Variants in DOK6 observed in about 807,000 individuals in gnomAD.
DOK6 encodes downstream of tyrosine kinase 6.
Under a neutral mutation model 44.0 loss-of-function variants are expected in DOK6, and 22 were observed. The observed-to-expected ratio is 0.50, with a 90% CI of 0.36 to 0.71. The LOEUF (loss-of-function observed/expected upper bound fraction) is 0.71. DOK6 is among the 30% of genes least tolerant of loss of function. DOK6 has a pLI of 0.00. For missense variants in DOK6, 340 were observed against 416.4 expected, an observed-to-expected ratio of 0.82 and a Z score of 1.60; for synonymous variants, 166 against 145.5, an observed-to-expected ratio of 1.14 and a Z score of -1.01.
intron 3 of DOK6, among the ~76,000 whole-genome samples, chr18:69,642,588 T>C (rs1830514242): frequency 6.6e-6 from 1 of 152,218 alleles, no homozygotes; most frequent in Admixed American, 6.5e-5. Flanking sequence ...CTGCCTTTTT[T>C]TCATTTTTAT....
chr18:69,441,018 A>G (rs1979122225), intron 1 of DOK6, among the ~76,000 whole-genome samples: 1 of 152,156 alleles, frequency 6.6e-6, no homozygotes, highest in African/African-American at 2.4e-5. Flanking sequence ...TGAAATTACA[A>G]AGGCAGAAAG....
intron 7 of DOK6, among the ~76,000 whole-genome samples, chr18:69,785,156 AG>A (rs1264643344): frequency 6.6e-6 from 1 of 152,218 alleles, no homozygotes; most frequent in Non-Finnish European, 1.5e-5. Context: ...GTGTAATGAC[AG>A]CCCAACATCA....
chr18:69,659,668 T>C (rs988761731), intron 3 of DOK6, among the ~76,000 whole-genome samples: 2 of 152,010 alleles, frequency 1.3e-5, no homozygotes, highest in Non-Finnish European at 2.9e-5. Context: ...TTTTGGAATG[T>C]CTTGGAAAGG....
chr18:69,773,893 C>A (rs886653191), intron 7 of DOK6, among the ~76,000 whole-genome samples: 1 of 151,024 alleles, frequency 6.6e-6, no homozygotes, highest in Admixed American at 6.6e-5. Flanking sequence ...ACCATTTGAT[C>A]CAGCAATCCT....
chr18:69,608,784 T>C (rs1448677888), intron 3 of DOK6, among the ~76,000 whole-genome samples: 2 of 151,996 alleles, frequency 1.3e-5, no homozygotes, highest in Non-Finnish European at 2.9e-5. Context: ...ACCCCGTCTC[T>C]ACTAAAAATA....
chr18:69,759,413 GA>G (rs537838607), intron 7 of DOK6, among the ~76,000 whole-genome samples: 24 of 152,074 alleles, frequency 1.6e-4, no homozygotes, highest in African/African-American at 3.9e-4. Context: ...ATGTTTAAAT[GA>G]AAAAAACTAT....
At chr18:69,429,616 G>GATAC in intron 1 of DOK6, among the ~76,000 whole-genome samples, 1 of 78,156 alleles carries the variant, frequency 1.3e-5, no homozygotes, top group East Asian at 3.3e-4. Context: ...AATATTGAGG[G>GATAC]ATACATATAT....
chr18:69,742,365 G>C (rs2144740552), intron 6 of DOK6, among the ~76,000 whole-genome samples: 1 of 148,868 alleles, frequency 6.7e-6, no homozygotes, highest in South Asian at 2.1e-4. Context: ...AGTGAGCCGA[G>C]TTCGTGCCAT....
intron 1 of DOK6, among the ~76,000 whole-genome samples, chr18:69,514,250 G>T (rs1235752516): frequency 8.2e-6 from 1 of 121,300 alleles, no homozygotes; most frequent in South Asian, 2.9e-4. Flanking sequence ...ATGTAAATGA[G>T]TAAAAAAAAA....
chr18:69,661,684 A>G (rs960146856), intron 3 of DOK6: 1 of 152,242 alleles, frequency 6.6e-6, no homozygotes, highest in African/African-American at 2.4e-5. Flanking sequence ...CAATCTGGTC[A>G]ATTTTGTTCT....
chr18:69,450,886 G>T (rs1979442131), intron 1 of DOK6, among the ~76,000 whole-genome samples: 2 of 149,944 alleles, frequency 1.3e-5, no homozygotes, highest in South Asian at 4.4e-4. Flanking sequence ...CACCAGGCCT[G>T]CCCTAAAAGA....
At chr18:69,834,656 T>C (rs887150924) in intron 7 of DOK6, among the ~76,000 whole-genome samples, 3 of 152,292 alleles carry the variant, frequency 2.0e-5, no homozygotes, top group Admixed American at 6.5e-5. Flanking sequence ...TATATGCAAC[T>C]GTAATATATT....
intron 7 of DOK6, among the ~76,000 whole-genome samples, chr18:69,794,179 T>C (rs1231050905): frequency 6.6e-6 from 1 of 152,132 alleles, no homozygotes; most frequent in Non-Finnish European, 1.5e-5. Context: ...TTCCATGTCA[T>C]TGGGGCCCCA....
At chr18:69,640,247 TTCTG>T (rs1286259095) in intron 3 of DOK6, among the ~76,000 whole-genome samples, 1 of 152,216 alleles carries the variant, frequency 6.6e-6, no homozygotes, top group African/African-American at 2.4e-5. Flanking sequence ...TCTTTGTTAA[TTCTG>T]TCTTTCAAAA....
chr18:69,569,984 A>G (rs1457176701), intron 2 of DOK6, among the ~76,000 whole-genome samples: 2 of 152,132 alleles, frequency 1.3e-5, no homozygotes, highest in Non-Finnish European at 2.9e-5. Context: ...AGTGAGAGCT[A>G]AATAATGAGA....
Position 69,848,106 on chromosome 18 carries a change from C to A in DOK6, c.*6723C>A, listed in dbSNP as rs1441042737. ...ACTCTGTGTGTTCCACTGAAGTTAT[C>A]TTTTCCTTAATAGATTCACACAGAA... On this transcript the variant is annotated 3_prime_UTR_variant, in exon 8 of 8. Transcript: ENST00000382713. 2.6e-5 allele frequency: 4 copies of A among 151,826 alleles called. No homozygotes were observed. Among genetic ancestry groups the A allele is most frequent in the African/African-American group, 7.3e-5 (3 of 41,282 alleles). The allele number at this position is 151,826 out of a possible 1,614,324, so 9.4% of individuals were successfully genotyped here. A position where few individuals can be genotyped will look rare whatever the true frequency, so the allele number is the denominator to read the frequency against.
intron 5 of DOK6, among the ~76,000 whole-genome samples, chr18:69,725,345 G>A (rs1459612763): frequency 2.6e-5 from 4 of 152,220 alleles, no homozygotes; most frequent in African/African-American, 7.2e-5. Flanking sequence ...CTCGGGTTCT[G>A]TAAGGAGGCT....
At chr18:69,784,074 C>T (rs1313741555) in intron 7 of DOK6, among the ~76,000 whole-genome samples, 1 of 152,096 alleles carries the variant, frequency 6.6e-6, no homozygotes, top group African/African-American at 2.4e-5. Context: ...GTAGTCTCAG[C>T]TACTCGGGAA....
At chr18:69,786,937 C>G (rs180955388) in intron 7 of DOK6, among the ~76,000 whole-genome samples, 2 of 152,196 alleles carry the variant, frequency 1.3e-5, no homozygotes, top group East Asian at 3.8e-4. Context: ...ATCTGATGGC[C>G]GGGCTTGGTG....
Sources: allele counts gnomAD v4.1 joint callset (sites outside exome capture counted in the v4.1 genomes callset), GRCh38; gene constraint gnomAD v4.1.1; transcripts MANE v1.5; gene names NCBI Gene and HGNC (gene_info 2026-07-23, HGNC 2026-07-21).